The following PAPPA2 variants were observed in gnomAD, a reference collection of about 807,000 sequenced individuals.
The protein encoded by PAPPA2 is pappalysin 2.
PAPPA2 carries 86 observed loss-of-function variants against 176.4 expected under a neutral mutation model. The ratio of observed to expected loss-of-function variants is 0.49; its 90% confidence interval spans 0.41 to 0.58. The LOEUF is 0.58. Among genes scored for constraint, PAPPA2 ranks in the 20% least tolerant of loss-of-function variants. The pLI, the probability that PAPPA2 is intolerant of heterozygous loss-of-function variation, is 0.00. For missense variants in PAPPA2, 2,073 were observed against 2,256.9 expected (o/e 0.92, Z 1.65); for synonymous variants, 809 against 852.2 (o/e 0.95, Z 0.88).
Position 176,845,119 on chromosome 1 carries a change from C to T in PAPPA2, c.*2665C>T, listed in dbSNP as rs1481350733. On this transcript the variant is annotated 3_prime_UTR_variant, in exon 23 of 23. Transcript: ENST00000367662. ...TGGAAGGACTAAGACACTGTGGTCACAGATCCCAGCAACATCAACTCACAC... is the reference window on the plus strand; with the variant it reads ...TGGAAGGACTAAGACACTGTGGTCATAGATCCCAGCAACATCAACTCACAC... The T allele has an allele frequency of 3.3e-5, 5 of 152,162 alleles. No individual in the cohort carries two copies. Among genetic ancestry groups the T allele is most frequent in the African/African-American group, 1.2e-4 (5 of 41,436 alleles). 9.4% of individuals were successfully genotyped at this position (152,162 alleles called of 1,614,324 possible). A position where few individuals can be genotyped will look rare whatever the true frequency, so the allele number is the denominator to read the frequency against.
intron 9 of PAPPA2, 141 bp downstream of exon 9, chr1:176,702,876 G>T: frequency 8.6e-7 from 1 of 1,165,588 alleles, no homozygotes; most frequent in Non-Finnish European, 1.2e-6. Flanking sequence ...GGAAATGTAG[G>T]GAGCAAGGCA....
At chr1:176,653,376 C>T (rs1383057375) in intron 3 of PAPPA2, among the ~76,000 whole-genome samples, 2 of 151,684 alleles carry the variant, frequency 1.3e-5, no homozygotes, top group East Asian at 1.9e-4. Context: ...TTTCATCCTC[C>T]CCCTTTATTG....
intron 3 of PAPPA2, among the ~76,000 whole-genome samples, chr1:176,627,501 C>T (rs1656099444): frequency 6.6e-6 from 1 of 152,138 alleles, no homozygotes; most frequent in African/African-American, 2.4e-5. Context: ...TTATCCACTG[C>T]CTCCAAGTTT....
At chr1:176,603,776 G>A (rs1252750187) in intron 3 of PAPPA2, among the ~76,000 whole-genome samples, 1 of 152,102 alleles carries the variant, frequency 6.6e-6, no homozygotes, top group East Asian at 1.9e-4. Flanking sequence ...CTGGATTATT[G>A]CAATAGTCTT....
chr1:176,655,189 A>G (rs1229000843), intron 3 of PAPPA2, among the ~76,000 whole-genome samples: 1 of 151,872 alleles, frequency 6.6e-6, no homozygotes, highest in Admixed American at 6.6e-5. Flanking sequence ...TGCATTCAGT[A>G]TAATGTTGGC....
At chr1:176,668,444 G>T (rs1658790411) in intron 3 of PAPPA2, among the ~76,000 whole-genome samples, 1 of 152,190 alleles carries the variant, frequency 6.6e-6, no homozygotes, top group African/African-American at 2.4e-5. Flanking sequence ...TGAATGGCAA[G>T]TCTATCTCTT....
intron 12 of PAPPA2, among the ~76,000 whole-genome samples, chr1:176,713,608 AC>A (rs1661237607): frequency 6.6e-6 from 1 of 152,104 alleles, no homozygotes; most frequent in Non-Finnish European, 1.5e-5. Flanking sequence ...TGGGCTTATG[AC>A]CTTTTTGTTT....
At chr1:176,600,935 C>T (rs2102660416) in intron 3 of PAPPA2, among the ~76,000 whole-genome samples, 1 of 152,144 alleles carries the variant, frequency 6.6e-6, no homozygotes, top group East Asian at 1.9e-4. Flanking sequence ...CCTCACTTCC[C>T]AAATCCTGTT....
intron 4 of PAPPA2, among the ~76,000 whole-genome samples, chr1:176,674,278 A>G (rs1192539472): frequency 6.6e-6 from 1 of 152,080 alleles, no homozygotes; most frequent in Non-Finnish European, 1.5e-5. Flanking sequence ...AAACATTTCA[A>G]TAGTTTTTTG....
At chr1:176,683,569 T>C (rs1232423738) in intron 4 of PAPPA2, among the ~76,000 whole-genome samples, 1 of 152,186 alleles carries the variant, frequency 6.6e-6, no homozygotes, top group Middle Eastern at 3.2e-3. Flanking sequence ...CAGTCAATTA[T>C]GCCTGTTATG....
chr1:176,729,318 C>A (rs1382868333), intron 12 of PAPPA2, among the ~76,000 whole-genome samples: 1 of 152,036 alleles, frequency 6.6e-6, no homozygotes, highest in Non-Finnish European at 1.5e-5. Flanking sequence ...TAATTTTTAA[C>A]TCTCTTTTAT....
chr1:176,717,613 T>C (rs1347265243), intron 12 of PAPPA2, among the ~76,000 whole-genome samples: 3 of 152,332 alleles, frequency 2.0e-5, no homozygotes, highest in Non-Finnish European at 2.9e-5. Flanking sequence ...TCAAGTTCTT[T>C]CCTGGGCAAA....
rs144878855 is a variant in PAPPA2 at position 176,778,741 on chromosome 1, T to A, written c.4715+7561T>A. The stretch of plus-strand genomic sequence containing the variant: ...TGCTCAAGGAAAGAACACACATTAA[T>A]CTCTATGTACACTCATGTATCTGTG... On this transcript the variant is annotated intron_variant, in intron 17 of 22. Coordinates refer to ENST00000367662, the MANE Select transcript of PAPPA2 (RefSeq NM_020318.3). Among the ~76,000 whole-genome samples, 97 of 152,310 alleles carry A rather than the reference T, an allele frequency of 6.4e-4. 1 individual carries two copies. Among genetic ancestry groups the A allele is most frequent in the African/African-American group, 1.9e-3 (81 of 41,574 alleles).
chr1:176,819,388 G>T (rs1185141965), intron 21 of PAPPA2, among the ~76,000 whole-genome samples: 6 of 152,166 alleles, frequency 3.9e-5, no homozygotes, highest in African/African-American at 9.7e-5. Context: ...GGATGAGGAA[G>T]TTTGGTCTCT....
At chr1:176,472,032 G>A (rs773236062) in intron 1 of PAPPA2, among the ~76,000 whole-genome samples, 7 of 152,128 alleles carry the variant, frequency 4.6e-5, no homozygotes, top group Admixed American at 1.3e-4. Flanking sequence ...GATATTGATT[G>A]CTCAATGCCT....
intron 8 of PAPPA2, among the ~76,000 whole-genome samples, chr1:176,702,364 A>G (rs952247001): frequency 6.6e-6 from 1 of 152,252 alleles, no homozygotes; most frequent in African/African-American, 2.4e-5. Flanking sequence ...GTGTTAACGC[A>G]GCAAGCATTT....
chr1:176,483,830 G>T (rs1652521729), intron 1 of PAPPA2, among the ~76,000 whole-genome samples: 1 of 152,118 alleles, frequency 6.6e-6, no homozygotes, highest in African/African-American at 2.4e-5. Flanking sequence ...GTGGTGAAGA[G>T]ATGTCATAGA....
intron 1 of PAPPA2, among the ~76,000 whole-genome samples, chr1:176,469,292 G>A (rs556458716): frequency 6.6e-6 from 1 of 152,264 alleles, no homozygotes; most frequent in East Asian, 1.9e-4. Context: ...TGATCACTCT[G>A]TGGTACCTAT....
intron 17 of PAPPA2, among the ~76,000 whole-genome samples, chr1:176,782,458 G>A (rs1381391971): frequency 1.3e-5 from 2 of 152,108 alleles, no homozygotes; most frequent in African/African-American, 4.8e-5. Context: ...AAAAGTTAGA[G>A]GGGCAAAATA....
Sources: allele counts gnomAD v4.1 joint callset (sites outside exome capture counted in the v4.1 genomes callset), GRCh38; gene constraint gnomAD v4.1.1; transcripts MANE v1.5; gene names NCBI Gene and HGNC (gene_info 2026-07-23, HGNC 2026-07-21).